TTLL7: variants seen among roughly 807,000 people sequenced by gnomAD.
TTLL7 encodes tubulin polyglutamylase TTLL7.
In TTLL7, 53 loss-of-function variants were observed where a neutral mutation model predicts 120.2. The observed-to-expected ratio is 0.44, with a 90% CI of 0.35 to 0.55. TTLL7 has a LOEUF of 0.55. TTLL7 is among the 20% of genes least tolerant of loss of function. TTLL7 has a pLI of 0.00. For synonymous variants in TTLL7, 353 were observed against 351.7 expected (o/e 1.00, Z -0.04); for missense variants, 803 against 1,054.7 (o/e 0.76, Z 3.31).
At position 83,883,065 on chromosome 1, in the gene TTLL7, C is replaced by T. The variant is rs1435360714; in HGVS notation, c.2441G>A (p.Arg814His). The T allele has an allele frequency of 1.2e-6, 2 of 1,612,536 alleles. No homozygotes were observed. The highest frequency in any genetic ancestry group is 2.2e-5 in the East Asian group (1 of 44,824). The change falls in exon 20 of 21, where the codon CGC becomes CAC. Residue 814 changes from arginine to histidine, a missense_variant. Arg to His is a conservative substitution (Grantham distance 29, BLOSUM62 0). Around this residue, in one of 3 missense-constraint regions of TTLL7, gnomAD observed 388 missense variants for 450.4 expected, o/e 0.86. Coordinates refer to ENST00000260505, the MANE Select transcript of TTLL7 (RefSeq NM_024686.6). ...VTPLQLQCCQ[R>H]LVELCKQCLL... The stretch of plus-strand genomic sequence containing the variant: ...GCACTGTTTACAAAGCTCCACTAGG[C>T]GCTGGCAACACTGGAGCTGCAAAGG...
At chr1:83,913,096 T>G (rs1009892828) in intron 14 of TTLL7, 1 of 152,168 alleles carries the variant, frequency 6.6e-6, no homozygotes, top group African/African-American at 2.4e-5. Context: ...TTATATGCAC[T>G]TGGGACTTTT....
intron 18 of TTLL7, among the ~76,000 whole-genome samples, chr1:83,899,625 C>T (rs965022821): frequency 1.3e-5 from 2 of 152,062 alleles, no homozygotes; most frequent in Admixed American, 6.6e-5. Flanking sequence ...GTAGTGCAAA[C>T]TGTGGGACTT....
intron 7 of TTLL7, among the ~76,000 whole-genome samples, chr1:83,940,175 G>A (rs1647814013): frequency 6.6e-6 from 1 of 151,978 alleles, no homozygotes; most frequent in Non-Finnish European, 1.5e-5. Context: ...ATCTCTCTTT[G>A]AGATTAATCC....
intron 2 of TTLL7, 23 bp from the exon 3 acceptor site, chr1:83,951,999 C>A: frequency 6.3e-7 from 1 of 1,593,930 alleles, no homozygotes. Context: ...GTAAAATAAT[C>A]AGATAACACT....
intron 7 of TTLL7, among the ~76,000 whole-genome samples, chr1:83,938,959 T>C (rs776296257): frequency 2.0e-5 from 3 of 152,122 alleles, no homozygotes; most frequent in Admixed American, 6.5e-5. Context: ...CTTAGGCCTA[T>C]GGTATTGAAA....
chr1:83,894,224 A>G (rs913308333), intron 18 of TTLL7, among the ~76,000 whole-genome samples: 3 of 152,148 alleles, frequency 2.0e-5, no homozygotes, highest in Non-Finnish European at 4.4e-5. Flanking sequence ...TGCAGAAAGG[A>G]AAGAATAAAA....
chr1:83,929,014 G>T (rs1229269924), intron 10 of TTLL7, 122 bp downstream of exon 10: 7 of 432,832 alleles, frequency 1.6e-5, no homozygotes, highest in Non-Finnish European at 2.7e-5. Flanking sequence ...ATGGAATCAA[G>T]AAATGAAAAT....
chr1:83,931,597 C>T (rs1659603239), intron 9 of TTLL7, among the ~76,000 whole-genome samples: 1 of 152,094 alleles, frequency 6.6e-6, no homozygotes, highest in Admixed American at 6.6e-5. Context: ...AATGGCTACA[C>T]CAGGGCAAGT....
Position 83,984,465 on chromosome 1 carries a change from C to T in TTLL7, c.-177+14466G>A, listed in dbSNP as rs572218189. Among the ~76,000 whole-genome samples, 10 of 152,260 alleles carry T rather than the reference C, an allele frequency of 6.6e-5. No individual in the cohort carries two copies. The South Asian group carries it at 1.2e-3, about 19-fold the overall frequency. ...AGTTGTTCTACCAAAAAGATACATG[C>T]ACTTGTATAATATGTTCACTGCAGC... On this transcript the variant is annotated intron_variant, in intron 1 of 20. Coordinates refer to ENST00000260505, the MANE Select transcript of TTLL7 (RefSeq NM_024686.6).
At chr1:83,873,908 G>A (rs1321997579) in intron 20 of TTLL7, among the ~76,000 whole-genome samples, 1 of 152,000 alleles carries the variant, frequency 6.6e-6, no homozygotes, top group African/African-American at 2.4e-5. Flanking sequence ...GGAAAACTCA[G>A]GATAAATAAA....
At chr1:83,933,516 G>T in intron 9 of TTLL7, 92 bp downstream of exon 9, 2 of 1,337,334 alleles carry the variant, frequency 1.5e-6, no homozygotes, top group South Asian at 1.4e-5. Flanking sequence ...GACAGTTAAT[G>T]GGACAACTGT....
intron 19 of TTLL7, among the ~76,000 whole-genome samples, 171 bp downstream of exon 19, chr1:83,890,150 T>C (rs1655337762): frequency 6.6e-6 from 1 of 152,120 alleles, no homozygotes; most frequent in African/African-American, 2.4e-5. Context: ...ATATTCATCA[T>C]CTTATCTAAA....
intron 8 of TTLL7, among the ~76,000 whole-genome samples, chr1:83,936,411 C>T (rs189674786): frequency 5.0e-4 from 76 of 152,172 alleles, no homozygotes; most frequent in African/African-American, 1.2e-3. Context: ...GAGCAATAGA[C>T]CAATGCATTG....
chr1:83,978,543 T>TG (rs1297045670), intron 1 of TTLL7, among the ~76,000 whole-genome samples: 2 of 152,200 alleles, frequency 1.3e-5, no homozygotes, highest in Non-Finnish European at 2.9e-5. Context: ...AGTTTTTCTA[T>TG]GAAAAACTAC....
intron 20 of TTLL7, among the ~76,000 whole-genome samples, chr1:83,874,277 T>C (rs570575560): frequency 5.3e-5 from 8 of 152,092 alleles, no homozygotes; most frequent in Non-Finnish European, 1.2e-4. Context: ...TTTTCAAAGG[T>C]CATCCATATT....
At chr1:83,990,156 T>C (rs1044786803) in intron 1 of TTLL7, among the ~76,000 whole-genome samples, 2 of 150,494 alleles carry the variant, frequency 1.3e-5, no homozygotes, top group African/African-American at 4.9e-5. Flanking sequence ...TTTGACTTCT[T>C]ATTTGGATGC....
At chr1:83,979,083 G>A (rs12042443) in intron 1 of TTLL7, 15,660 of 152,120 alleles carry the variant, frequency 0.1, 1,332 homozygotes, top group East Asian at 0.39. Context: ...ATCACCCAAC[G>A]TTACACAAAC....
rs535695088 is a variant in TTLL7, at chr1:83,903,363, T to C, written c.2208+716A>G. Among the ~76,000 whole-genome samples, 5 of 152,202 alleles carry C rather than the reference T, an allele frequency of 3.3e-5. No individual in the cohort carries two copies. The South Asian group carries it at 8.3e-4, about 25-fold the overall frequency. ...AACATTGTCTCTGAAGATATCTGTATAGCATGATTCTCATTTAAGTCTCTG... is the reference window on the plus strand; with the variant it reads ...AACATTGTCTCTGAAGATATCTGTACAGCATGATTCTCATTTAAGTCTCTG... On this transcript the variant is annotated intron_variant, in intron 18 of 20. Coordinates refer to ENST00000260505, the MANE Select transcript of TTLL7 (RefSeq NM_024686.6).
At chr1:83,963,757 G>C (rs187216431) in intron 1 of TTLL7, among the ~76,000 whole-genome samples, 1 of 152,060 alleles carries the variant, frequency 6.6e-6, no homozygotes, top group Non-Finnish European at 1.5e-5. Context: ...TACTATATCA[G>C]GGGAATACAG....
Sources: allele counts gnomAD v4.1 joint callset (sites outside exome capture counted in the v4.1 genomes callset), GRCh38; gene constraint gnomAD v4.1.1; regional missense constraint gnomAD v4.1.1; transcripts MANE v1.5; gene names NCBI Gene and HGNC (gene_info 2026-07-23, HGNC 2026-07-21).